The following COL4A2 variants were observed in gnomAD, a reference collection of about 807,000 sequenced individuals.
The protein encoded by COL4A2 is collagen alpha-2(IV) chain.
Under a neutral mutation model 200.2 loss-of-function variants are expected in COL4A2, and 99 were observed. The observed-to-expected ratio is 0.49, with a 90% CI of 0.42 to 0.58. The LOEUF (loss-of-function observed/expected upper bound fraction) is 0.58, where lower values mean the gene tolerates loss of function less well. Ranked by LOEUF, COL4A2 falls within the 20% of genes least tolerant of loss-of-function variation. The probability of loss-of-function intolerance (pLI) is 0.00; values close to 1 mark genes in which losing one functional copy is unlikely to be tolerated. For missense variants in COL4A2, 1,950 were observed against 2,314.1 expected (o/e 0.84, Z 3.23); for synonymous variants, 897 against 900.6 (o/e 1.00, Z 0.07).
chr13:110,318,178 AC>A (rs765445220), intron 3 of COL4A2, among the ~76,000 whole-genome samples: 1 of 152,218 alleles, frequency 6.6e-6, no homozygotes, highest in Non-Finnish European at 1.5e-5. Flanking sequence ...CATGTATGTG[AC>A]ATTCGTTCAT....
intron 22 of COL4A2, chr13:110,459,155 C>A: frequency 4.6e-6 from 2 of 438,174 alleles, no homozygotes; most frequent in East Asian, 3.7e-5. Flanking sequence ...GAACCGCAGC[C>A]GACAGCTCTT....
chr13:110,333,652 G>A (rs1309826510), intron 3 of COL4A2, among the ~76,000 whole-genome samples: 7 of 152,210 alleles, frequency 4.6e-5, no homozygotes, highest in South Asian at 2.1e-4. Context: ...CTCACGAACC[G>A]TGGTCCTGCT....
intron 39 of COL4A2, among the ~76,000 whole-genome samples, chr13:110,493,806 C>T (rs749081352): frequency 8.2e-6 from 1 of 121,958 alleles, no homozygotes; most frequent in African/African-American, 2.7e-5. Flanking sequence ...AGCATGCCAG[C>T]GTGGTCGGGT....
intron 34 of COL4A2, 67 bp downstream of exon 34, chr13:110,485,903 GC>G: frequency 6.3e-7 from 1 of 1,588,534 alleles, no homozygotes; most frequent in Non-Finnish European, 8.5e-7. Flanking sequence ...GAATGGACAT[GC>G]TTTGGTCTGG....
chr13:110,423,261 C>T (rs989322637), intron 4 of COL4A2, among the ~76,000 whole-genome samples: 5 of 151,926 alleles, frequency 3.3e-5, no homozygotes, highest in East Asian at 1.9e-4. Context: ...TTCCCCTCCC[C>T]TCCTTTCTCA....
At chr13:110,363,031 G>A (rs538756491) in intron 4 of COL4A2, among the ~76,000 whole-genome samples, 1 of 152,288 alleles carries the variant, frequency 6.6e-6, no homozygotes, top group Non-Finnish European at 1.5e-5. Flanking sequence ...AGGCACTTGG[G>A]TATTCCAGAA....
chr13:110,310,515 GTGT>G, intron 3 of COL4A2, among the ~76,000 whole-genome samples: 1 of 152,326 alleles, frequency 6.6e-6, no homozygotes, highest in South Asian at 2.1e-4. Context: ...CTAGTAATAT[GTGT>G]TGTTAAGAGA....
intron 4 of COL4A2, among the ~76,000 whole-genome samples, chr13:110,415,624 T>C (rs575657108): frequency 4.6e-4 from 70 of 152,352 alleles, no homozygotes; most frequent in African/African-American, 1.6e-3. Context: ...AAAGAATTTT[T>C]TTTTCTCTCA....
chr13:110,486,739 G>A (rs1883129520), intron 34 of COL4A2, among the ~76,000 whole-genome samples: 1 of 152,072 alleles, frequency 6.6e-6, no homozygotes, highest in African/African-American at 2.4e-5. Context: ...ATAGGATTTG[G>A]GTAGGTAAAG....
At chr13:110,377,148 G>A (rs146193232) in intron 4 of COL4A2, among the ~76,000 whole-genome samples, 83 of 152,058 alleles carry the variant, frequency 5.5e-4, no homozygotes, top group Middle Eastern at 6.8e-3. Flanking sequence ...TGGGGGTGGG[G>A]AGACTTGCTT....
At chr13:110,316,183 C>G (rs1156710269) in intron 3 of COL4A2, among the ~76,000 whole-genome samples, 2 of 152,138 alleles carry the variant, frequency 1.3e-5, no homozygotes, top group Non-Finnish European at 2.9e-5. Context: ...ATTTCATGGA[C>G]TGATTATCTG....
chr13:110,371,310 A>G (rs960539312), intron 4 of COL4A2, among the ~76,000 whole-genome samples: 1 of 152,216 alleles, frequency 6.6e-6, no homozygotes, highest in African/African-American at 2.4e-5. Flanking sequence ...AGGATCTTAA[A>G]GTGTACATGA....
At chr13:110,355,464 C>T (rs371150203) in intron 3 of COL4A2, among the ~76,000 whole-genome samples, 107 of 67,238 alleles carry the variant, frequency 1.6e-3, no homozygotes, top group East Asian at 6.0e-3. Context: ...GGGAGGGCTG[C>T]ACTAGCTCAC....
At chr13:110,468,116 A>G (rs763022399) in intron 27 of COL4A2, 10 of 470,126 alleles carry the variant, frequency 2.1e-5, no homozygotes, top group Non-Finnish European at 3.1e-5. Flanking sequence ...ATGAACAGCA[A>G]TGAGAGTTAG....
At chr13:110,485,600 G>A (rs1883092476) in intron 33 of COL4A2, 55 bp from the exon 34 acceptor site, 11 of 1,424,080 alleles carry the variant, frequency 7.7e-6, no homozygotes, top group Non-Finnish European at 9.6e-6. Context: ...ATTGAAAACT[G>A]GAGGGCGGGT....
At chr13:110,486,768 T>C (rs905913107) in intron 34 of COL4A2, among the ~76,000 whole-genome samples, 2 of 151,980 alleles carry the variant, frequency 1.3e-5, no homozygotes, top group African/African-American at 4.8e-5. Context: ...GGGGTTGTTC[T>C]CTGGCGGGCA....
intron 43 of COL4A2, 31 bp from the exon 44 acceptor site, chr13:110,503,816 G>C (rs1229116122): frequency 1.2e-6 from 2 of 1,613,710 alleles, no homozygotes; most frequent in African/African-American, 2.7e-5. Context: ...GACCTTGTGT[G>C]TTTACTGGGG....
intron 26 of COL4A2, 49 bp from the exon 27 acceptor site, chr13:110,466,991 T>C: frequency 1.2e-6 from 2 of 1,612,664 alleles, no homozygotes; most frequent in African/African-American, 1.3e-5. Context: ...GCCGTGGGAC[T>C]CAGTGTTTAG....
At chr13:110,344,335 A>G (rs1876606135) in intron 3 of COL4A2, among the ~76,000 whole-genome samples, 1 of 152,222 alleles carries the variant, frequency 6.6e-6, no homozygotes, top group South Asian at 2.1e-4. Flanking sequence ...TAGCCTTCAT[A>G]AAAGATGGTC....
Sources: allele counts gnomAD v4.1 joint callset (sites outside exome capture counted in the v4.1 genomes callset), GRCh38; gene constraint gnomAD v4.1.1; transcripts MANE v1.5; gene names NCBI Gene and HGNC (gene_info 2026-07-23, HGNC 2026-07-21).